SLCO1B3: variants seen among roughly 807,000 people sequenced by gnomAD.
SLCO1B3 encodes the protein solute carrier organic anion transporter family member 1B3, also known as liver-specific organic anion transporter 2.
In SLCO1B3, 72 loss-of-function variants were observed where a neutral mutation model predicts 71.8. That is an observed-to-expected ratio of 1.00 (90% CI 0.83 to 1.22). SLCO1B3 has a LOEUF of 1.22. Ranked by LOEUF, SLCO1B3 falls within the 50% of genes most tolerant of loss-of-function variation. The pLI is 0.00. For synonymous variants in SLCO1B3, 298 were observed against 278.4 expected, an observed-to-expected ratio of 1.07 and a Z score of -0.70; for missense variants, 911 against 819.7, an observed-to-expected ratio of 1.11 and a Z score of -1.36.
intron 13 of SLCO1B3, among the ~76,000 whole-genome samples, chr12:20,887,507 G>A (rs1325883054): frequency 2.0e-5 from 3 of 151,814 alleles, no homozygotes; most frequent in African/African-American, 4.8e-5. Context: ...TTGGCCATTT[G>A]TATGTCTTCT....
chr12:20,865,545 T>C (rs1565594540), intron 8 of SLCO1B3, among the ~76,000 whole-genome samples: 1 of 152,054 alleles, frequency 6.6e-6, no homozygotes, highest in Non-Finnish European at 1.5e-5. Context: ...AAAAATACAA[T>C]TGAACCTTGA....
chr12:20,831,689 T>C (rs1330033423), intron 3 of SLCO1B3, among the ~76,000 whole-genome samples: 1 of 152,160 alleles, frequency 6.6e-6, no homozygotes. Flanking sequence ...CAAAGTACTG[T>C]TTCAGTAAAA....
chr12:20,892,262 G>C (rs1165291721), intron 13 of SLCO1B3, among the ~76,000 whole-genome samples: 1 of 152,030 alleles, frequency 6.6e-6, no homozygotes, highest in Non-Finnish European at 1.5e-5. Context: ...TGTTATGTAG[G>C]ATCTAACAGG....
chr12:20,831,670 A>G (rs796445010), intron 3 of SLCO1B3, among the ~76,000 whole-genome samples: 4 of 152,340 alleles, frequency 2.6e-5, no homozygotes, highest in African/African-American at 7.2e-5. Flanking sequence ...TGGGACATCA[A>G]ACTATCAACA....
At chr12:20,873,871 T>G (rs1865526216) in intron 8 of SLCO1B3, among the ~76,000 whole-genome samples, 2 of 152,152 alleles carry the variant, frequency 1.3e-5, no homozygotes, top group Admixed American at 1.3e-4. Flanking sequence ...ATTTTCTGTT[T>G]CTGTGTTAGT....
intron 8 of SLCO1B3, among the ~76,000 whole-genome samples, chr12:20,865,414 G>A (rs1029626287): frequency 4.6e-5 from 7 of 151,896 alleles, no homozygotes; most frequent in Admixed American, 3.9e-4. Context: ...CAGAGTAATG[G>A]CATCAGTTAA....
intron 3 of SLCO1B3, chr12:20,845,136 C>T: frequency 2.2e-6 from 1 of 451,834 alleles, no homozygotes; most frequent in Non-Finnish European, 4.4e-6. Context: ...AAGACTTAGA[C>T]TATGTCATTG....
chr12:20,862,979 G>T, intron 8 of SLCO1B3, 125 bp downstream of exon 8: 2 of 483,938 alleles, frequency 4.1e-6, no homozygotes, highest in Non-Finnish European at 3.6e-6. Context: ...TTACAAGTAG[G>T]AAATAAATCC....
chr12:20,890,245 C>G (rs1340527601), intron 13 of SLCO1B3, among the ~76,000 whole-genome samples: 2 of 151,802 alleles, frequency 1.3e-5, no homozygotes, highest in East Asian at 3.9e-4. Context: ...AAAAATCTGC[C>G]TTGATTTCAT....
intron 13 of SLCO1B3, among the ~76,000 whole-genome samples, chr12:20,897,427 A>G (rs1866034592): frequency 6.6e-6 from 1 of 152,194 alleles, no homozygotes; most frequent in South Asian, 2.1e-4. Context: ...TTGGATTCTT[A>G]TAACATATGA....
intron 3 of SLCO1B3, among the ~76,000 whole-genome samples, chr12:20,823,859 G>C (rs530936504): frequency 1.3e-5 from 2 of 152,172 alleles, no homozygotes; most frequent in Admixed American, 6.6e-5. Context: ...TAAAGGATAA[G>C]ATATGGGGCT....
intron 13 of SLCO1B3, among the ~76,000 whole-genome samples, chr12:20,895,407 AG>A (rs1865985751): frequency 6.6e-6 from 1 of 152,184 alleles, no homozygotes; most frequent in Non-Finnish European, 1.5e-5. Context: ...GGGTAAATAC[AG>A]CCTTTCCAAA....
chr12:20,838,958 A>G (rs1057017851), intron 3 of SLCO1B3, among the ~76,000 whole-genome samples: 2 of 151,800 alleles, frequency 1.3e-5, no homozygotes, highest in Admixed American at 6.6e-5. Flanking sequence ...CATATTTGTT[A>G]TATTTCTTCT....
intron 3 of SLCO1B3, among the ~76,000 whole-genome samples, chr12:20,850,706 A>G (rs1297209639): frequency 6.6e-6 from 1 of 152,088 alleles, no homozygotes; most frequent in African/African-American, 2.4e-5. Context: ...CCTTCTTTGT[A>G]TCCATATGTA....
chr12:20,915,283 A>G (rs1386575566), intron 15 of SLCO1B3, among the ~76,000 whole-genome samples: 3 of 152,084 alleles, frequency 2.0e-5, no homozygotes, highest in East Asian at 3.9e-4. Context: ...GAAGGCATTT[A>G]TCATTTCTGT....
At chr12:20,815,964 T>G in intron 3 of SLCO1B3, 142 bp downstream of exon 3, 1 of 488,136 alleles carries the variant, frequency 2.0e-6, no homozygotes, top group Non-Finnish European at 3.6e-6. Context: ...ATTAACAAAA[T>G]AATCCCTATA....
At chr12:20,912,856 G>T (rs1167882698) in intron 15 of SLCO1B3, among the ~76,000 whole-genome samples, 57 of 114,138 alleles carry the variant, frequency 5.0e-4, no homozygotes, top group South Asian at 4.2e-4. Context: ...GTAGAGACGG[G>T]GTTTCACCAT....
At chr12:20,814,659 G>C (rs548230018) in intron 2 of SLCO1B3, among the ~76,000 whole-genome samples, 112 of 152,236 alleles carry the variant, frequency 7.4e-4, no homozygotes, top group African/African-American at 2.6e-3. Flanking sequence ...GGGAGGCCGA[G>C]GCGGGCGGAT....
chr12:20,883,631 T>G, intron 13 of SLCO1B3, 29 bp downstream of exon 13: 5 of 1,463,494 alleles, frequency 3.4e-6, no homozygotes, highest in Non-Finnish European at 4.6e-6. Flanking sequence ...AACATTGTCA[T>G]GTATATTAGA....
Sources: allele counts gnomAD v4.1 joint callset (sites outside exome capture counted in the v4.1 genomes callset), GRCh38; gene constraint gnomAD v4.1.1; transcripts MANE v1.5; gene names NCBI Gene and HGNC (gene_info 2026-07-23, HGNC 2026-07-21).